The following RBKS variants were observed in gnomAD, a reference collection of about 807,000 sequenced individuals.
The protein encoded by RBKS is ribokinase.
In RBKS, 33 loss-of-function variants were observed where a neutral mutation model predicts 33.9. That is an observed-to-expected ratio of 0.97 (90% confidence interval 0.74 to 1.30). RBKS has a LOEUF of 1.30. RBKS is among the 50% of genes most tolerant of loss of function. RBKS has a pLI of 0.00. For missense variants in RBKS, 361 were observed against 392.6 expected, an observed-to-expected ratio of 0.92 and a Z score of 0.68; for synonymous variants, 125 against 143.0, an observed-to-expected ratio of 0.87 and a Z score of 0.90.
At chr2:27,830,032 C>A (rs775328315) in intron 6 of RBKS, among the ~76,000 whole-genome samples, 4 of 152,142 alleles carry the variant, frequency 2.6e-5, no homozygotes, top group Non-Finnish European at 4.4e-5. Flanking sequence ...CTTCCTGCCA[C>A]TTCTGCCTGT....
rs553359934 is a variant in RBKS at position 27,829,274 on chromosome 2, T to C, written c.607-1519A>G. ...GTGCTGGGTGAATTTTGTAGCATTA[T>C]GTTTTTCATTTGCAGGCTCACTTTA... On this transcript the variant is annotated intron_variant, in intron 6 of 7. Transcript: ENST00000302188. 4.6e-5 allele frequency among the ~76,000 whole-genome samples: 7 copies of C among 152,218 alleles called. No individual in the cohort carries two copies. In the South Asian group the frequency reaches 1.2e-3, roughly 27 times the overall value.
rs75681762 is a variant in RBKS, at chr2:27,868,423, G to A, written c.90-9852C>T. Among the ~76,000 whole-genome samples the A allele has an allele frequency of 1.2e-3, 176 of 152,212 alleles. 5 individuals are homozygous for A. In the East Asian group the frequency reaches 0.033, roughly 29 times the overall value. ...AAAACACATAGCTGTTAGGGGTTGAGCTAATTTTTAATTCAGCTCTTCTGA... is the reference window on the plus strand; with the variant it reads ...AAAACACATAGCTGTTAGGGGTTGAACTAATTTTTAATTCAGCTCTTCTGA... On this transcript the variant is annotated intron_variant, in intron 1 of 7. Coordinates refer to ENST00000302188, the MANE Select transcript of RBKS (RefSeq NM_022128.3).
chr2:27,797,060 T>A (rs1247688636), intron 7 of RBKS, among the ~76,000 whole-genome samples: 2 of 152,348 alleles, frequency 1.3e-5, no homozygotes, highest in African/African-American at 4.8e-5. Flanking sequence ...ATGTGTGACA[T>A]CCCCAGCAGA....
At chr2:27,801,885 C>T (rs1200512619) in intron 7 of RBKS, among the ~76,000 whole-genome samples, 1 of 137,092 alleles carries the variant, frequency 7.3e-6, no homozygotes, top group Non-Finnish European at 1.5e-5. Flanking sequence ...TCACCCATGG[C>T]TTACTGCAGC....
intron 2 of RBKS, among the ~76,000 whole-genome samples, chr2:27,857,729 A>G (rs532321821): frequency 6.6e-6 from 1 of 152,338 alleles, no homozygotes; most frequent in Admixed American, 6.5e-5. Context: ...CCCAGTTACA[A>G]ACTCATTACA....
At chr2:27,831,851 G>A (rs1678421087) in intron 6 of RBKS, among the ~76,000 whole-genome samples, 2 of 152,036 alleles carry the variant, frequency 1.3e-5, no homozygotes, top group African/African-American at 4.8e-5. Context: ...GGAGGTAGAG[G>A]CTGCAGTGAG....
At chr2:27,849,559 CAAAAAA>C (rs70953894) in intron 2 of RBKS, among the ~76,000 whole-genome samples, 3,550 of 28,510 alleles carry the variant, frequency 0.12, 156 homozygotes, top group African/African-American at 0.21. Flanking sequence ...GACTCTGTCT[CAAAAAA>C]AAAAAAAAAA....
chr2:27,829,932 A>G (rs1451993815), intron 6 of RBKS, among the ~76,000 whole-genome samples: 1 of 152,170 alleles, frequency 6.6e-6, no homozygotes, highest in East Asian at 1.9e-4. Context: ...GGGGAGCCAC[A>G]GCCTAGCATG....
At chr2:27,833,882 G>A (rs906061861) in intron 5 of RBKS, among the ~76,000 whole-genome samples, 28 of 152,142 alleles carry the variant, frequency 1.8e-4, no homozygotes, top group African/African-American at 6.5e-4. Flanking sequence ...ACTGACTTGC[G>A]TGTTAAGTAG....
intron 4 of RBKS, 107 bp downstream of exon 4, chr2:27,846,935 G>T: frequency 1.5e-6 from 1 of 685,560 alleles, no homozygotes. Flanking sequence ...TTGGAGTGAT[G>T]GGTATAGTAA....
At chr2:27,789,642 G>A (rs1210516470) in intron 7 of RBKS, among the ~76,000 whole-genome samples, 3 of 151,858 alleles carry the variant, frequency 2.0e-5, no homozygotes, top group African/African-American at 7.3e-5. Flanking sequence ...TTGACTCACT[G>A]TAACTTCCGC....
intron 7 of RBKS, chr2:27,809,713 CA>C (rs1314593232): frequency 6.1e-6 from 2 of 326,412 alleles, no homozygotes; most frequent in Non-Finnish European, 1.2e-5. Context: ...CATCTTCTAA[CA>C]GCTGCTTTTT....
At chr2:27,801,091 C>T (rs1558536082) in intron 7 of RBKS, among the ~76,000 whole-genome samples, 1 of 152,194 alleles carries the variant, frequency 6.6e-6, no homozygotes, top group Non-Finnish European at 1.5e-5. Flanking sequence ...GCTAGCCGGC[C>T]ACTGGGCAGA....
chr2:27,801,962 AAAT>A (rs1253904150), intron 7 of RBKS, among the ~76,000 whole-genome samples: 26 of 61,124 alleles, frequency 4.3e-4, no homozygotes, highest in African/African-American at 1.6e-3. Flanking sequence ...AAAAAAAAAA[AAAT>A]ATATATATAT....
At chr2:27,858,656 G>T in intron 1 of RBKS, 85 bp from the exon 2 acceptor site, 1 of 1,188,524 alleles carries the variant, frequency 8.4e-7, no homozygotes, top group South Asian at 1.4e-5. Flanking sequence ...AAGGCTATAT[G>T]GTAGAGCTCT....
chr2:27,853,353 G>GAA lies in RBKS; in HGVS notation c.222+5084_222+5085dup, dbSNP rs71401587. 3.4e-3 allele frequency among the ~76,000 whole-genome samples: 221 copies of GAA among 64,552 alleles called. 1 individual carries two copies. Among genetic ancestry groups the GAA allele is most frequent in the East Asian group, 9.6e-3 (23 of 2,400 alleles). 42.3% of individuals were successfully genotyped at this position (64,552 alleles called of 152,430 possible). On this transcript the variant is annotated intron_variant, in intron 2 of 7. Transcript: ENST00000302188. ...ACTACAGCCCAGGCAACCTGTCTCT[G>GAA]AAAAAAAAAAAAAAAAAAAAAGGCC...
At chr2:27,848,766 C>T (rs1369595383) in intron 2 of RBKS, among the ~76,000 whole-genome samples, 25 of 149,548 alleles carry the variant, frequency 1.7e-4, no homozygotes, top group African/African-American at 3.7e-4. Flanking sequence ...TGCTTGAACC[C>T]GGAGGTGGAG....
intron 7 of RBKS, among the ~76,000 whole-genome samples, chr2:27,783,483 A>G (rs1172585787): frequency 1.3e-5 from 2 of 152,212 alleles, no homozygotes; most frequent in Non-Finnish European, 2.9e-5. Flanking sequence ...AAGCTGGTGA[A>G]GGCCATGGAA....
In RBKS at chr2:27,801,964, ATATATATAT is replaced by A. The variant is rs1297762172; in HGVS notation, c.796-20185_796-20177del. Among the ~76,000 whole-genome samples, 212 of 48,550 alleles carry A rather than the reference ATATATATAT, an allele frequency of 4.4e-3. 6 individuals are homozygous for A. Among genetic ancestry groups the A allele is most frequent in the African/African-American group, 0.018 (205 of 11,710 alleles). The allele number at this position is 48,550 out of a possible 152,430, so 31.9% of individuals were successfully genotyped here. On this transcript the variant is annotated intron_variant, in intron 7 of 7. Transcript: ENST00000302188. ...GAGTAGCTGGGGAAAAAAAAAAAAA[ATATATATAT>A]ATATATATATATATATATATTTTTT...
Sources: gnomAD v4.1 joint callset for allele counts (sites outside exome capture counted in the v4.1 genomes callset) on GRCh38, gnomAD v4.1.1 for gene constraint, MANE v1.5 for transcripts, NCBI Gene and HGNC (gene_info 2026-07-23, HGNC 2026-07-21) for gene names.